Variants in SNX10 observed in about 807,000 individuals in gnomAD.
SNX10 encodes sorting nexin-10.
In SNX10, 25 loss-of-function variants were observed where a neutral mutation model predicts 28.5. The observed-to-expected ratio is 0.88, with a 90% confidence interval of 0.64 to 1.22. SNX10 has a LOEUF of 1.22. Among genes scored for constraint, SNX10 ranks in the 50% most tolerant of loss-of-function variants. The probability of loss-of-function intolerance (pLI) is 0.00; values close to 1 mark genes in which losing one functional copy is unlikely to be tolerated. For missense variants in SNX10, 223 were observed against 242.6 expected (o/e 0.92, Z 0.54); for synonymous variants, 62 against 81.4 (o/e 0.76, Z 1.28).
intron 2 of SNX10, among the ~76,000 whole-genome samples, chr7:26,356,126 A>G (rs1000577274): frequency 6.6e-6 from 1 of 152,176 alleles, no homozygotes; most frequent in African/African-American, 2.4e-5. Flanking sequence ...ATGGGGGAAA[A>G]ACAGGGAACA....
chr7:26,363,223 TG>T (rs1285093729), intron 3 of SNX10, among the ~76,000 whole-genome samples: 4 of 152,152 alleles, frequency 2.6e-5, no homozygotes, highest in Non-Finnish European at 4.4e-5. Context: ...TTAAAGATAA[TG>T]GGATTTAGAC....
chr7:26,346,373 C>T, intron 1 of SNX10, 47 bp from the exon 2 acceptor site: 1 of 1,190,590 alleles, frequency 8.4e-7, no homozygotes, highest in Non-Finnish European at 1.3e-6. Flanking sequence ...GTATCCACTC[C>T]AGTTTGGAGG....
intron 1 of SNX10, among the ~76,000 whole-genome samples, chr7:26,341,450 C>A (rs1788173412): frequency 6.6e-6 from 1 of 151,898 alleles, no homozygotes; most frequent in African/African-American, 2.4e-5. Context: ...AGGCAGATAT[C>A]CATACTTGGC....
chr7:26,344,528 T>C lies in SNX10; in HGVS notation c.-23-1892T>C, dbSNP rs907050044. On this transcript the variant is annotated intron_variant, in intron 1 of 6. Transcript: ENST00000338523. ...CAAGTGGAATCATACGGTGTCTGTC[T>C]TTTTGTGACTGGCTTATTTCATTTG... Among the ~76,000 whole-genome samples the C allele has an allele frequency of 2.0e-5, 3 of 152,320 alleles. No individual in the cohort carries two copies. The East Asian group carries it at 5.8e-4, about 29-fold the overall frequency.
chr7:26,344,861 G>A (rs1056267210), intron 1 of SNX10, among the ~76,000 whole-genome samples: 11 of 152,186 alleles, frequency 7.2e-5, no homozygotes, highest in African/African-American at 2.7e-4. Context: ...ATTTAGAACA[G>A]CAGAAATTTA....
At chr7:26,310,274 C>G (rs1359182941) in intron 1 of SNX10, among the ~76,000 whole-genome samples, 1 of 152,164 alleles carries the variant, frequency 6.6e-6, no homozygotes, top group Non-Finnish European at 1.5e-5. Flanking sequence ...AGAAAACCAG[C>G]TGGAACTCAT....
chr7:26,333,036 G>A (rs1203387922), intron 1 of SNX10, among the ~76,000 whole-genome samples: 2 of 152,034 alleles, frequency 1.3e-5, no homozygotes, highest in Non-Finnish European at 2.9e-5. Context: ...TCTTTTTCAG[G>A]ATTGTTTTGG....
At chr7:26,331,101 T>G (rs1426935978) in intron 1 of SNX10, among the ~76,000 whole-genome samples, 2 of 151,094 alleles carry the variant, frequency 1.3e-5, no homozygotes, top group Non-Finnish European at 2.9e-5. Context: ...CAGTGAGCTG[T>G]GATCACACCA....
intron 1 of SNX10, among the ~76,000 whole-genome samples, chr7:26,341,620 A>G (rs1788180852): frequency 6.6e-6 from 1 of 151,814 alleles, no homozygotes. Flanking sequence ...TCAGCCTCCC[A>G]AGTAGCTGTT....
chr7:26,293,098 G>T (rs796930056), intron 1 of SNX10: 3 of 152,416 alleles, frequency 2.0e-5, no homozygotes, highest in African/African-American at 7.2e-5. Flanking sequence ...AGAGAATGGA[G>T]GTGAGGTCAG....
chr7:26,343,869 A>C (rs543688946), intron 1 of SNX10, among the ~76,000 whole-genome samples: 1 of 152,096 alleles, frequency 6.6e-6, no homozygotes, highest in Non-Finnish European at 1.5e-5. Flanking sequence ...TTTCCTGGCT[A>C]TCTCACACCA....
chr7:26,349,285 G>T (rs1788504575), intron 2 of SNX10, among the ~76,000 whole-genome samples: 1 of 152,054 alleles, frequency 6.6e-6, no homozygotes, highest in Non-Finnish European at 1.5e-5. Flanking sequence ...GATTCATACA[G>T]CCTGGGAGTG....
intron 1 of SNX10, among the ~76,000 whole-genome samples, chr7:26,295,296 A>C (rs1044737037): frequency 6.6e-6 from 1 of 152,000 alleles, no homozygotes; most frequent in Non-Finnish European, 1.5e-5. Context: ...TCCTGAGCTC[A>C]AGTGATCCAC....
At chr7:26,297,991 G>A (rs1476639045) in intron 1 of SNX10, among the ~76,000 whole-genome samples, 1 of 152,234 alleles carries the variant, frequency 6.6e-6, no homozygotes, top group African/African-American at 2.4e-5. Context: ...AGCACTTTGG[G>A]AGGCCGAGGC....
chr7:26,344,680 A>C (rs1788311683), intron 1 of SNX10, among the ~76,000 whole-genome samples: 1 of 152,030 alleles, frequency 6.6e-6, no homozygotes, highest in African/African-American at 2.4e-5. Flanking sequence ...TGTGTACTCC[A>C]CCGTGTGTCC....
chr7:26,341,529 C>G (rs962044834), intron 1 of SNX10, among the ~76,000 whole-genome samples: 4 of 150,570 alleles, frequency 2.7e-5, no homozygotes, highest in Admixed American at 2.6e-4. Context: ...GAGTCTCGCT[C>G]TGTTGTCCAG....
chr7:26,322,367 G>C (rs1202928447), intron 1 of SNX10, among the ~76,000 whole-genome samples: 1 of 152,152 alleles, frequency 6.6e-6, no homozygotes, highest in Non-Finnish European at 1.5e-5. Flanking sequence ...TTTTATAAAA[G>C]AAAGAATATT....
chr7:26,360,938 T>A (rs1562818492), intron 2 of SNX10, 37 bp from the exon 3 acceptor site: 3 of 1,610,502 alleles, frequency 1.9e-6, no homozygotes, highest in Non-Finnish European at 1.7e-6. Context: ...TACTTGCAGT[T>A]CTGAAGAATA....
intron 5 of SNX10, chr7:26,370,807 A>G (rs891505129): frequency 6.6e-6 from 1 of 152,176 alleles, no homozygotes; most frequent in African/African-American, 2.4e-5. Context: ...ACAAAATTCT[A>G]CTTGGGTTTT....
Sources: allele counts gnomAD v4.1 joint callset (sites outside exome capture counted in the v4.1 genomes callset), GRCh38; gene constraint gnomAD v4.1.1; transcripts MANE v1.5; gene names NCBI Gene and HGNC (gene_info 2026-07-23, HGNC 2026-07-21).